The following PAPSS2 variants were observed in gnomAD, a reference collection of about 807,000 sequenced individuals.
PAPSS2 encodes the protein 3'-phosphoadenosine 5'-phosphosulfate synthase 2, also known as bifunctional 3'-phosphoadenosine 5'-phosphosulfate synthase 2.
PAPSS2 carries 61 observed loss-of-function variants against 66.5 expected under a neutral mutation model. The ratio of observed to expected loss-of-function variants is 0.92; its 90% confidence interval spans 0.75 to 1.14. The LOEUF is 1.14. Among genes scored for constraint, PAPSS2 ranks in the 50% most tolerant of loss-of-function variants. The pLI is 0.00. For missense variants in PAPSS2, 708 were observed against 789.6 expected (o/e 0.90, Z 1.24); for synonymous variants, 289 against 287.5 (o/e 1.01, Z -0.05).
chr10:87,727,594 G>T, intron 9 of PAPSS2, 105 bp downstream of exon 9: 1 of 959,458 alleles, frequency 1.0e-6, no homozygotes, highest in Non-Finnish European at 1.6e-6. Context: ...ACTGGGATTA[G>T]GTGGAAGAAT....
intron 7 of PAPSS2, 65 bp downstream of exon 7, chr10:87,715,908 T>C: frequency 9.4e-7 from 1 of 1,065,914 alleles, no homozygotes. Flanking sequence ...TTCCCAGAAG[T>C]TTTGCAGGAA....
intron 9 of PAPSS2, among the ~76,000 whole-genome samples, chr10:87,737,519 C>T (rs775756498): frequency 2.0e-5 from 3 of 152,140 alleles, no homozygotes; most frequent in Non-Finnish European, 1.5e-5. Context: ...GGAAACTCTA[C>T]ACCCATTAAA....
At chr10:87,705,586 C>T (rs1029800593) in intron 1 of PAPSS2, among the ~76,000 whole-genome samples, 1 of 152,118 alleles carries the variant, frequency 6.6e-6, no homozygotes, top group African/African-American at 2.4e-5. Flanking sequence ...TATCAGTGAC[C>T]TCTCATTTTA....
intron 1 of PAPSS2, among the ~76,000 whole-genome samples, chr10:87,682,755 C>G (rs1426207338): frequency 1.3e-5 from 2 of 152,166 alleles, no homozygotes; most frequent in Admixed American, 1.3e-4. Flanking sequence ...CCTTTTATCC[C>G]TTCCTACATA....
Position 87,670,265 on chromosome 10 carries a change from A to G in PAPSS2, c.27+10257A>G, listed in dbSNP as rs145078067. On this transcript the variant is annotated intron_variant, in intron 1 of 12. Coordinates refer to ENST00000456849, the MANE Select transcript of PAPSS2 (RefSeq NM_001015880.2). Reference sequence around the variant, plus strand: ...TGCAATACTTGAACCAAGTTGTAATATTAATATGATTTGTAGATAATAAAA... The same window carrying G: ...TGCAATACTTGAACCAAGTTGTAATGTTAATATGATTTGTAGATAATAAAA... 5.9e-3 allele frequency among the ~76,000 whole-genome samples: 902 copies of G among 152,366 alleles called. 9 individuals carry two copies. The highest frequency in any genetic ancestry group is 0.02 in the African/African-American group (844 of 41,582).
intron 2 of PAPSS2, 84 bp downstream of exon 2, chr10:87,709,397 T>C: frequency 1.2e-6 from 1 of 835,104 alleles, no homozygotes; most frequent in Non-Finnish European, 2.0e-6. Context: ...GTGTAACGTA[T>C]TACATGCTTG....
chr10:87,712,993 T>C, intron 2 of PAPSS2, 82 bp from the exon 3 acceptor site: 1 of 799,356 alleles, frequency 1.3e-6, no homozygotes, highest in Non-Finnish European at 2.2e-6. Flanking sequence ...TTTAGTTATA[T>C]TTAAAATTAC....
At chr10:87,742,234 A>G (rs922054276) in intron 10 of PAPSS2, among the ~76,000 whole-genome samples, 1 of 152,248 alleles carries the variant, frequency 6.6e-6, no homozygotes, top group African/African-American at 2.4e-5. Context: ...GAAGTGAAAA[A>G]GCAAATTGCA....
At chr10:87,676,872 CAAAAAAAAAAAAAAAAAAAAA>C (rs71019493) in intron 1 of PAPSS2, among the ~76,000 whole-genome samples, 6 of 31,340 alleles carry the variant, frequency 1.9e-4, no homozygotes, top group South Asian at 1.9e-3. Context: ...GACCCTGTCT[CAAAAAAAAAAAAAAAAAAAAA>C]AAAAAAAAAA....
chr10:87,719,324 T>C (rs1457081238), intron 7 of PAPSS2, among the ~76,000 whole-genome samples: 1 of 152,240 alleles, frequency 6.6e-6, no homozygotes, highest in Non-Finnish European at 1.5e-5. Context: ...CTCTGGGCTT[T>C]GTTCCTTCAT....
At chr10:87,696,837 C>T (rs1853240646) in intron 1 of PAPSS2, among the ~76,000 whole-genome samples, 2 of 152,122 alleles carry the variant, frequency 1.3e-5, no homozygotes, top group Admixed American at 6.5e-5. Context: ...AACAATTAGA[C>T]TTTTTATTTT....
intron 7 of PAPSS2, 72 bp from the exon 8 acceptor site, chr10:87,721,684 T>C: frequency 9.9e-7 from 1 of 1,011,050 alleles, no homozygotes; most frequent in Non-Finnish European, 1.5e-6. Flanking sequence ...ATTTGTTCTT[T>C]GACATTGTTG....
Position 87,703,276 on chromosome 10 carries a change from C to CGTGTGTGTGT in PAPSS2, c.28-5889_28-5880dup, listed in dbSNP as rs10673718. 1.2e-4 allele frequency among the ~76,000 whole-genome samples: 18 copies of CGTGTGTGTGT among 145,590 alleles called. No individual in the cohort carries two copies. In the South Asian group the frequency reaches 1.8e-3, roughly 15 times the overall value. On this transcript the variant is annotated intron_variant, in intron 1 of 12. Coordinates refer to ENST00000456849, the MANE Select transcript of PAPSS2 (RefSeq NM_001015880.2). Reference sequence around the variant, plus strand: ...AGCAGCAATAATGACAACAACATTGCGTGTGTGTGTGTGTGTGTGTGTGTG... The same window carrying CGTGTGTGTGT: ...AGCAGCAATAATGACAACAACATTGCGTGTGTGTGTGTGTGTGTGTGTGTGTGTGTGTGTG...
rs1227590809 is a variant in PAPSS2 at position 87,706,140 on chromosome 10, GTATA to G, written c.28-3049_28-3046del. On this transcript the variant is annotated intron_variant, in intron 1 of 12. Coordinates refer to ENST00000456849, the MANE Select transcript of PAPSS2 (RefSeq NM_001015880.2). ...TGTGTGTGTGTGTGTGTGTGTGTGT[GTATA>G]TATATACCCTCTCCCTCAGAGAGTG... is the stretch of plus-strand genomic sequence containing the variant. Among the ~76,000 whole-genome samples, 92 of 113,210 alleles carry G rather than the reference GTATA, an allele frequency of 8.1e-4. No homozygotes were observed. In the East Asian group the frequency reaches 0.017, roughly 21 times the overall value. 74.3% of individuals were successfully genotyped at this position (113,210 alleles called of 152,430 possible).
chr10:87,684,961 G>A (rs942544308), intron 1 of PAPSS2, among the ~76,000 whole-genome samples: 7 of 152,078 alleles, frequency 4.6e-5, no homozygotes, highest in African/African-American at 1.7e-4. Flanking sequence ...TCCCTCTAAA[G>A]GACTGCCTCT....
intron 9 of PAPSS2, among the ~76,000 whole-genome samples, chr10:87,734,457 G>T (rs573262766): frequency 1.3e-5 from 2 of 151,908 alleles, no homozygotes; most frequent in Non-Finnish European, 2.9e-5. Context: ...AGTGGGTGCA[G>T]TGATGAGAAG....
chr10:87,734,823 C>A (rs951375764), intron 9 of PAPSS2, among the ~76,000 whole-genome samples: 17 of 150,924 alleles, frequency 1.1e-4, no homozygotes, highest in Admixed American at 1.1e-3. Flanking sequence ...TTTCTGGTTT[C>A]TTTCCCTTCT....
chr10:87,740,095 A>C (rs531279192), intron 9 of PAPSS2, among the ~76,000 whole-genome samples: 1 of 152,358 alleles, frequency 6.6e-6, no homozygotes, highest in African/African-American at 2.4e-5. Context: ...AGATATGACT[A>C]TTCGGCAGAT....
At chr10:87,676,713 A>G (rs1297047732) in intron 1 of PAPSS2, among the ~76,000 whole-genome samples, 1 of 151,996 alleles carries the variant, frequency 6.6e-6, no homozygotes, top group Non-Finnish European at 1.5e-5. Context: ...GCAATAAATA[A>G]AAGAAAAGCC....
Sources: gnomAD v4.1 joint callset for allele counts (sites outside exome capture counted in the v4.1 genomes callset) on GRCh38, gnomAD v4.1.1 for gene constraint, MANE v1.5 for transcripts, NCBI Gene and HGNC (gene_info 2026-07-23, HGNC 2026-07-21) for gene names.